SLC2A13: variants seen among roughly 807,000 people sequenced by gnomAD.
SLC2A13 encodes the protein proton myo-inositol cotransporter.
In SLC2A13, 32 loss-of-function variants were observed where a neutral mutation model predicts 64.4. That is an observed-to-expected ratio of 0.50 (90% CI 0.37 to 0.67). The LOEUF (loss-of-function observed/expected upper bound fraction) is 0.67. Among genes scored for constraint, SLC2A13 ranks in the 30% least tolerant of loss-of-function variants. SLC2A13 has a pLI of 0.00. For synonymous variants in SLC2A13, 338 were observed against 327.1 expected, an observed-to-expected ratio of 1.03 and a Z score of -0.36; for missense variants, 743 against 829.2, an observed-to-expected ratio of 0.90 and a Z score of 1.28.
At chr12:39,923,694 G>GCACACACA (rs200530373) in intron 4 of SLC2A13, among the ~76,000 whole-genome samples, 12,566 of 137,164 alleles carry the variant, frequency 0.092, 713 homozygotes, top group African/African-American at 0.16. Flanking sequence ...ATATGCGCAC[G>GCACACACA]CGCACACACA....
At position 39,821,007 on chromosome 12, in the gene SLC2A13, T is replaced by C. The variant is rs573386277; in HGVS notation, c.1445+9096A>G. 3.3e-5 allele frequency among the ~76,000 whole-genome samples: 5 copies of C among 152,152 alleles called. No individual in the cohort carries two copies. The East Asian group carries it at 7.7e-4, about 23-fold the overall frequency. ...TGTTCCCCAAACTTCTACTTCCTAC[T>C]GCACTGCTCCCCAAACTCATGACAT... On this transcript the variant is annotated intron_variant, in intron 7 of 9. Transcript: ENST00000280871.
intron 7 of SLC2A13, among the ~76,000 whole-genome samples, chr12:39,801,777 G>A (rs1941800586): frequency 6.6e-6 from 1 of 152,196 alleles, no homozygotes. Context: ...AAATTCACTG[G>A]TTTGTGCAAA....
At chr12:39,799,011 C>T (rs1046072039) in intron 7 of SLC2A13, among the ~76,000 whole-genome samples, 1 of 150,254 alleles carries the variant, frequency 6.7e-6, no homozygotes, top group Non-Finnish European at 1.5e-5. Context: ...CTACCATCTT[C>T]TCCCCATTAT....
At chr12:40,020,514 C>T (rs901146039) in intron 3 of SLC2A13, among the ~76,000 whole-genome samples, 22 of 152,128 alleles carry the variant, frequency 1.4e-4, no homozygotes, top group Non-Finnish European at 2.5e-4. Flanking sequence ...TCAATTAAAC[C>T]TCTTGTCTTT....
At chr12:39,829,394 T>G (rs1338234306) in intron 7 of SLC2A13, 1 of 79,450 alleles carries the variant, frequency 1.3e-5, no homozygotes, top group Non-Finnish European at 2.6e-5. Flanking sequence ...TAGTAATTCT[T>G]TTTTTTTTTT....
chr12:39,763,221 C>T (rs1291784934), intron 9 of SLC2A13, among the ~76,000 whole-genome samples: 1 of 151,930 alleles, frequency 6.6e-6, no homozygotes, highest in Non-Finnish European at 1.5e-5. Flanking sequence ...GTTTAAAATG[C>T]CAGTGCATTT....
intron 7 of SLC2A13, among the ~76,000 whole-genome samples, chr12:39,774,907 T>C (rs1018135822): frequency 3.9e-4 from 60 of 152,228 alleles, no homozygotes; most frequent in African/African-American, 1.4e-3. Flanking sequence ...AATGATAACA[T>C]TTAAAGGTGA....
At chr12:39,760,622 G>A (rs575579002) in intron 9 of SLC2A13, among the ~76,000 whole-genome samples, 2 of 151,966 alleles carry the variant, frequency 1.3e-5, no homozygotes, top group South Asian at 2.1e-4. Context: ...GTACACACAC[G>A]TATGCTTGCC....
chr12:39,950,027 A>G (rs925090813), intron 4 of SLC2A13: 1 of 152,190 alleles, frequency 6.6e-6, no homozygotes, highest in Middle Eastern at 3.2e-3. Context: ...AGCAGGAGAG[A>G]ACAAAATATT....
At chr12:40,085,709 T>A (rs142820139) in intron 1 of SLC2A13, among the ~76,000 whole-genome samples, 81 of 152,340 alleles carry the variant, frequency 5.3e-4, no homozygotes, top group African/African-American at 1.9e-3. Context: ...ATCTGGCCAA[T>A]GAAATGGCTA....
intron 3 of SLC2A13, among the ~76,000 whole-genome samples, chr12:39,988,097 A>C (rs181957888): frequency 3.9e-4 from 60 of 152,288 alleles, no homozygotes; most frequent in African/African-American, 1.3e-3. Context: ...ACAATCTTCT[A>C]GATGTACATA....
chr12:39,830,377 C>A, intron 6 of SLC2A13, 149 bp from the exon 7 acceptor site: 4 of 1,409,786 alleles, frequency 2.8e-6, no homozygotes, highest in East Asian at 2.6e-5. Context: ...AAGTGACATG[C>A]GCTGAGCCAG....
chr12:39,843,901 A>G (rs913450664), intron 6 of SLC2A13, among the ~76,000 whole-genome samples: 1 of 152,050 alleles, frequency 6.6e-6, no homozygotes, highest in Non-Finnish European at 1.5e-5. Flanking sequence ...GTATATGATT[A>G]CTGGCACATG....
At chr12:39,808,494 T>C (rs1443858849) in intron 7 of SLC2A13, among the ~76,000 whole-genome samples, 1 of 152,132 alleles carries the variant, frequency 6.6e-6, no homozygotes, top group East Asian at 1.9e-4. Context: ...ATGGAAAAGA[T>C]GTGATTAACT....
chr12:39,866,629 G>A (rs959230561), intron 5 of SLC2A13, among the ~76,000 whole-genome samples: 3 of 152,044 alleles, frequency 2.0e-5, no homozygotes, highest in African/African-American at 7.2e-5. Context: ...ACAGGCGCCC[G>A]CCACCTCGCC....
At position 39,919,692 on chromosome 12, in the gene SLC2A13, G is replaced by A. The variant is rs901559233; in HGVS notation, c.1034+31565C>T. Among the ~76,000 whole-genome samples the A allele has an allele frequency of 3.3e-5, 5 of 151,964 alleles. No homozygotes were observed. In the East Asian group the frequency reaches 9.6e-4, roughly 29 times the overall value. On this transcript the variant is annotated intron_variant, in intron 4 of 9. Transcript: ENST00000280871. ...GAAACACCCCCCAAACCCACCCCAA[G>A]GGGTACTGACAATATTTTATAACAT...
intron 7 of SLC2A13, among the ~76,000 whole-genome samples, chr12:39,802,773 G>A (rs4267135): frequency 0.97 from 148,408 of 152,292 alleles, 72,304 homozygotes; most frequent in East Asian, 0.99. Context: ...ATATATAGAT[G>A]TAGATATGGA....
intron 3 of SLC2A13, among the ~76,000 whole-genome samples, chr12:40,006,724 C>T (rs1003525053): frequency 1.3e-5 from 2 of 152,138 alleles, no homozygotes; most frequent in Non-Finnish European, 2.9e-5. Flanking sequence ...CTTCCCTTAT[C>T]CTCCTATCAA....
intron 6 of SLC2A13, among the ~76,000 whole-genome samples, chr12:39,846,841 C>A (rs1023209373): frequency 6.6e-6 from 1 of 151,736 alleles, no homozygotes; most frequent in Non-Finnish European, 1.5e-5. Context: ...AAAAGAGAAT[C>A]CATGCAAAGC....
Sources: allele counts gnomAD v4.1 joint callset (sites outside exome capture counted in the v4.1 genomes callset), GRCh38; gene constraint gnomAD v4.1.1; transcripts MANE v1.5; gene names NCBI Gene and HGNC (gene_info 2026-07-23, HGNC 2026-07-21).